The following LRMDA variants were observed in gnomAD, a reference collection of about 807,000 sequenced individuals.
The protein encoded by LRMDA is leucine rich melanocyte differentiation associated.
Under a neutral mutation model 29.8 loss-of-function variants are expected in LRMDA, and 18 were observed. The observed-to-expected ratio is 0.60, with a 90% CI of 0.42 to 0.90. The LOEUF is 0.90. Ranked by LOEUF, LRMDA falls within the 40% of genes least tolerant of loss-of-function variation. The probability of loss-of-function intolerance (pLI) is 0.00; values close to 1 mark genes in which losing one functional copy is unlikely to be tolerated. For synonymous variants in LRMDA, 125 were observed against 109.4 expected (o/e 1.14, Z -0.89); for missense variants, 273 against 273.9 (o/e 1.00, Z 0.02).
At chr10:76,485,695 T>C (rs1419693538) in intron 6 of LRMDA, among the ~76,000 whole-genome samples, 1 of 151,998 alleles carries the variant, frequency 6.6e-6, no homozygotes, top group Non-Finnish European at 1.5e-5. Context: ...ATAAGTTTAC[T>C]GGCAATGAAT....
chr10:76,301,645 C>A (rs186532514), intron 5 of LRMDA, among the ~76,000 whole-genome samples: 187 of 152,240 alleles, frequency 1.2e-3, no homozygotes, highest in Non-Finnish European at 1.9e-3. Flanking sequence ...AACAAAAAAA[C>A]CCACCACAGA....
At chr10:76,114,972 A>G (rs891128488) in intron 5 of LRMDA, among the ~76,000 whole-genome samples, 1 of 152,142 alleles carries the variant, frequency 6.6e-6, no homozygotes, top group African/African-American at 2.4e-5. Flanking sequence ...GTATTTTTGG[A>G]GGGTCCTTTC....
At position 76,495,252 on chromosome 10, in the gene LRMDA, C is replaced by T. The variant is rs1156444022; in HGVS notation, c.602-61957C>T. On this transcript the variant is annotated intron_variant, in intron 6 of 6. Coordinates refer to ENST00000611255, the MANE Select transcript of LRMDA (RefSeq NM_001305581.2). ...TGCTGATGAATGTCCAGCTGCCCAT[C>T]ATAATTTATTGTAAACTATCTTTCT... Among the ~76,000 whole-genome samples, 6 of 136,536 alleles carry T rather than the reference C, an allele frequency of 4.4e-5. No homozygotes were observed. In the South Asian group the frequency reaches 1.4e-3, roughly 32 times the overall value. 89.6% of individuals were successfully genotyped at this position (136,536 alleles called of 152,430 possible).
intron 2 of LRMDA, among the ~76,000 whole-genome samples, chr10:75,529,675 A>T (rs1424117457): frequency 2.0e-5 from 3 of 152,224 alleles, no homozygotes; most frequent in African/African-American, 7.2e-5. Context: ...GACTTAAAAA[A>T]TTGGCTAAGA....
At chr10:75,447,646 C>T (rs1230617116) in intron 2 of LRMDA, among the ~76,000 whole-genome samples, 2 of 152,170 alleles carry the variant, frequency 1.3e-5, no homozygotes, top group Admixed American at 6.5e-5. Flanking sequence ...TGGTGGCTCA[C>T]ACCTGTAACC....
intron 5 of LRMDA, among the ~76,000 whole-genome samples, chr10:76,238,643 G>A (rs1852207775): frequency 1.3e-5 from 2 of 151,966 alleles, no homozygotes; most frequent in South Asian, 4.2e-4. Context: ...TCCCTAATTG[G>A]ATAAATAAAG....
intron 2 of LRMDA, chr10:75,647,637 G>A (rs758619602): frequency 6.6e-6 from 1 of 152,180 alleles, no homozygotes; most frequent in Non-Finnish European, 1.5e-5. Context: ...TGGCTTCTGG[G>A]TTTGTGTCTT....
At chr10:75,588,371 G>A (rs1337825616) in intron 2 of LRMDA, among the ~76,000 whole-genome samples, 2 of 152,192 alleles carry the variant, frequency 1.3e-5, no homozygotes, top group African/African-American at 2.4e-5. Context: ...AGGGGCCAAC[G>A]AGGGGCTTGT....
intron 2 of LRMDA, among the ~76,000 whole-genome samples, chr10:75,734,485 C>T (rs1043134451): frequency 6.6e-6 from 1 of 152,176 alleles, no homozygotes; most frequent in Admixed American, 6.5e-5. Context: ...ACTGTTTAGA[C>T]TAGACCTTTC....
chr10:76,553,661 C>G (rs1843521695), intron 6 of LRMDA, among the ~76,000 whole-genome samples: 1 of 152,116 alleles, frequency 6.6e-6, no homozygotes, highest in Non-Finnish European at 1.5e-5. Context: ...TTTGCTTTTC[C>G]TGGTTAATTT....
intron 5 of LRMDA, among the ~76,000 whole-genome samples, chr10:76,096,408 T>C (rs1849312170): frequency 6.6e-6 from 1 of 152,030 alleles, no homozygotes; most frequent in South Asian, 2.1e-4. Flanking sequence ...CTTTCATCTT[T>C]GTCAAAAATT....
chr10:75,575,950 C>T (rs10824318), intron 2 of LRMDA, among the ~76,000 whole-genome samples: 77,276 of 151,382 alleles, frequency 0.51, 22,287 homozygotes, highest in Non-Finnish European at 0.64. Flanking sequence ...GGGCAGACAC[C>T]GAGCTAGCCA....
At chr10:75,487,096 G>A (rs1158760253) in intron 2 of LRMDA, among the ~76,000 whole-genome samples, 1 of 152,172 alleles carries the variant, frequency 6.6e-6, no homozygotes, top group Non-Finnish European at 1.5e-5. Context: ...ATTTAACACT[G>A]TTGATAAATC....
chr10:76,550,440 C>A (rs970129007), intron 6 of LRMDA, among the ~76,000 whole-genome samples: 3 of 152,116 alleles, frequency 2.0e-5, no homozygotes, highest in African/African-American at 4.8e-5. Context: ...GTGGTCACTG[C>A]GGTATTTAGC....
intron 6 of LRMDA, among the ~76,000 whole-genome samples, chr10:76,361,273 A>G (rs1841308836): frequency 6.6e-6 from 1 of 152,024 alleles, no homozygotes; most frequent in Non-Finnish European, 1.5e-5. Context: ...AAAAAAAAGA[A>G]AAGAAAAATC....
rs1843582379 is a variant in LRMDA, at chr10:76,558,269, A to C, written c.*981A>C. The C allele has an allele frequency of 6.6e-6, 1 of 152,226 alleles. No homozygotes were observed. Among genetic ancestry groups the C allele is most frequent in the Admixed American group, 6.5e-5 (1 of 15,280 alleles). 9.4% of individuals were successfully genotyped at this position (152,226 alleles called of 1,614,324 possible). A position where few individuals can be genotyped will look rare whatever the true frequency, so the allele number is the denominator to read the frequency against. ...TAGAGTGAAGGGTCAGGAGGTTAAA[A>C]AACAAAATTAAGACTGTTGAAAACA... On this transcript the variant is annotated 3_prime_UTR_variant, in exon 7 of 7. Coordinates refer to ENST00000611255, the MANE Select transcript of LRMDA (RefSeq NM_001305581.2).
intron 5 of LRMDA, among the ~76,000 whole-genome samples, chr10:76,234,505 T>G (rs1474745446): frequency 2.6e-5 from 4 of 152,192 alleles, no homozygotes; most frequent in Non-Finnish European, 5.9e-5. Context: ...CTTTGAAGCT[T>G]TGAAGCCAGG....
intron 2 of LRMDA, among the ~76,000 whole-genome samples, chr10:75,453,380 A>G (rs1325881144): frequency 6.6e-6 from 1 of 152,226 alleles, no homozygotes; most frequent in Non-Finnish European, 1.5e-5. Flanking sequence ...ATGGCACAGG[A>G]AGCTTCTTTT....
intron 2 of LRMDA, among the ~76,000 whole-genome samples, chr10:75,587,621 C>T (rs185610219): frequency 6.4e-4 from 97 of 152,278 alleles, no homozygotes; most frequent in Non-Finnish European, 1.1e-3. Context: ...AGGGTTGCTG[C>T]GACTATGGCA....
Sources: allele counts gnomAD v4.1 joint callset (sites outside exome capture counted in the v4.1 genomes callset), GRCh38; gene constraint gnomAD v4.1.1; transcripts MANE v1.5; gene names NCBI Gene and HGNC (gene_info 2026-07-23, HGNC 2026-07-21).